The following FGGY variants were observed in gnomAD, a reference collection of about 807,000 sequenced individuals.
The protein encoded by FGGY is FGGY carbohydrate kinase domain-containing protein.
FGGY carries 72 observed loss-of-function variants against 71.3 expected under a neutral mutation model. That is an observed-to-expected ratio of 1.01 (90% CI 0.84 to 1.23). FGGY has a LOEUF of 1.23. Ranked by LOEUF, FGGY falls within the 50% of genes most tolerant of loss-of-function variation. FGGY has a pLI of 0.00. For missense variants in FGGY, 668 were observed against 682.3 expected (o/e 0.98, Z 0.23); for synonymous variants, 251 against 250.3 (o/e 1.00, Z -0.02).
At chr1:59,525,218 C>T (rs915208328) in intron 7 of FGGY, among the ~76,000 whole-genome samples, 4 of 152,210 alleles carry the variant, frequency 2.6e-5, no homozygotes, top group Admixed American at 6.5e-5. Context: ...GTGCAGTGGC[C>T]GGACTCTGCA....
At chr1:59,716,907 C>T (rs1253175839) in intron 14 of FGGY, among the ~76,000 whole-genome samples, 2 of 152,260 alleles carry the variant, frequency 1.3e-5, no homozygotes, top group African/African-American at 4.8e-5. Context: ...TCCCTGGGAA[C>T]TGTAGAAAAT....
At chr1:59,317,579 A>G (rs1315301616) in intron 1 of FGGY, among the ~76,000 whole-genome samples, 1 of 152,242 alleles carries the variant, frequency 6.6e-6, no homozygotes. Flanking sequence ...GATCATATTC[A>G]TGACCCAGGA....
chr1:59,508,754 A>T (rs996906375), intron 6 of FGGY, among the ~76,000 whole-genome samples: 15 of 152,106 alleles, frequency 9.9e-5, no homozygotes. Context: ...GAAAGATGGG[A>T]TATTTGTCCT....
chr1:59,669,540 CTTTTT>C (rs58004594), intron 13 of FGGY, among the ~76,000 whole-genome samples: 5 of 102,498 alleles, frequency 4.9e-5, no homozygotes, highest in South Asian at 3.7e-4. Flanking sequence ...TTCTAGACTT[CTTTTT>C]TTTTTTTTTT....
chr1:59,506,806 A>C (rs758507877), intron 6 of FGGY, among the ~76,000 whole-genome samples: 5 of 152,180 alleles, frequency 3.3e-5, no homozygotes, highest in Non-Finnish European at 7.4e-5. Flanking sequence ...CTCAAAAAAA[A>C]AATTACACAA....
At chr1:59,495,987 A>G (rs1172900893) in intron 6 of FGGY, among the ~76,000 whole-genome samples, 1 of 152,120 alleles carries the variant, frequency 6.6e-6, no homozygotes, top group Non-Finnish European at 1.5e-5. Context: ...GTTCCATATG[A>G]ATTTTAGAAT....
chr1:59,751,262 T>C (rs1304367595), intron 14 of FGGY, among the ~76,000 whole-genome samples: 2 of 129,496 alleles, frequency 1.5e-5, no homozygotes, highest in Non-Finnish European at 3.7e-5. Flanking sequence ...AAAAAGATCA[T>C]GTACTTAAAA....
At chr1:59,659,218 C>T (rs2097252110) in intron 11 of FGGY, among the ~76,000 whole-genome samples, 1 of 152,020 alleles carries the variant, frequency 6.6e-6, no homozygotes, top group African/African-American at 2.4e-5. Flanking sequence ...AAGAGGGTTC[C>T]CAAGTTTCCT....
chr1:59,302,491 A>G (rs2042913913), intron 1 of FGGY, among the ~76,000 whole-genome samples: 1 of 152,224 alleles, frequency 6.6e-6, no homozygotes, highest in Admixed American at 6.5e-5. Context: ...AAAAAAGAAC[A>G]TGATCATGTC....
chr1:59,716,738 G>T (rs2100486679), intron 14 of FGGY, among the ~76,000 whole-genome samples: 1 of 152,296 alleles, frequency 6.6e-6, no homozygotes, highest in Admixed American at 6.5e-5. Flanking sequence ...GGAGGGGAGG[G>T]CTCTCAAGTT....
At chr1:59,560,190 T>G (rs1345463696) in intron 8 of FGGY, among the ~76,000 whole-genome samples, 2 of 152,208 alleles carry the variant, frequency 1.3e-5, no homozygotes, top group African/African-American at 2.4e-5. Flanking sequence ...CCCCCAATCC[T>G]ATAAGCCCAG....
At chr1:59,428,401 C>T (rs564054055) in intron 5 of FGGY, among the ~76,000 whole-genome samples, 1 of 152,298 alleles carries the variant, frequency 6.6e-6, no homozygotes, top group Admixed American at 6.5e-5. Context: ...CTGTCTGCCT[C>T]CAGAACCGAA....
chr1:59,473,005 G>A (rs893304298), intron 6 of FGGY, among the ~76,000 whole-genome samples: 5 of 152,104 alleles, frequency 3.3e-5, no homozygotes, highest in Non-Finnish European at 5.9e-5. Flanking sequence ...CAGACCACTC[G>A]GCTCTACCAA....
intron 11 of FGGY, among the ~76,000 whole-genome samples, chr1:59,653,528 G>C (rs565826270): frequency 6.6e-6 from 1 of 151,960 alleles, no homozygotes; most frequent in Non-Finnish European, 1.5e-5. Context: ...AGGTGCGTCC[G>C]TCACCCCTTT....
intron 6 of FGGY, among the ~76,000 whole-genome samples, chr1:59,462,054 T>C (rs1396863210): frequency 2.0e-5 from 3 of 146,756 alleles, no homozygotes; most frequent in Non-Finnish European, 4.5e-5. Flanking sequence ...TCAATTCCCA[T>C]CTATGAGTGA....
intron 9 of FGGY, among the ~76,000 whole-genome samples, chr1:59,615,653 C>A (rs1295347012): frequency 2.6e-5 from 4 of 152,042 alleles, no homozygotes; most frequent in Middle Eastern, 3.2e-3. Flanking sequence ...AATGAGATCT[C>A]ATTAAACTAA....
At chr1:59,350,020 CAG>C (rs144039891) in intron 4 of FGGY, among the ~76,000 whole-genome samples, 3,706 of 152,232 alleles carry the variant, frequency 0.024, 171 homozygotes, top group African/African-American at 0.085. Flanking sequence ...TTTGGGGAAT[CAG>C]GGAATGGTAC....
At chr1:59,708,035 C>T (rs61788949) in intron 14 of FGGY, among the ~76,000 whole-genome samples, 1,872 of 152,272 alleles carry the variant, frequency 0.012, 20 homozygotes, top group Non-Finnish European at 0.018. Flanking sequence ...TAGGAGGTAA[C>T]TGTCCTAAGG....
At chr1:59,683,263 T>A (rs2097519138) in intron 14 of FGGY, among the ~76,000 whole-genome samples, 1 of 152,210 alleles carries the variant, frequency 6.6e-6, no homozygotes, top group South Asian at 2.1e-4. Flanking sequence ...GTGCCTGTGG[T>A]CTAGCAAGTG....
Sources: allele counts gnomAD v4.1 joint callset (sites outside exome capture counted in the v4.1 genomes callset), GRCh38; gene constraint gnomAD v4.1.1; transcripts MANE v1.5; gene names NCBI Gene and HGNC (gene_info 2026-07-23, HGNC 2026-07-21).